Variants in ARHGAP26 observed in about 807,000 individuals in gnomAD.
ARHGAP26 encodes the protein rho GTPase-activating protein 26.
A neutral mutation model predicts 104.8 loss-of-function variants in ARHGAP26; 38 were observed. That is an observed-to-expected ratio of 0.36 (90% confidence interval 0.28 to 0.48). The LOEUF (loss-of-function observed/expected upper bound fraction) is 0.48, where lower values mean the gene tolerates loss of function less well. Among genes scored for constraint, ARHGAP26 ranks in the 20% least tolerant of loss-of-function variants. The pLI is 0.99. For missense variants in ARHGAP26, 704 were observed against 947.9 expected (o/e 0.74, Z 3.38); for synonymous variants, 341 against 340.0 (o/e 1.00, Z -0.03).
intron 17 of ARHGAP26, among the ~76,000 whole-genome samples, chr5:143,097,557 A>C (rs889573556): frequency 1.3e-5 from 2 of 151,986 alleles, no homozygotes; most frequent in African/African-American, 4.8e-5. Flanking sequence ...GCGGTGGCTC[A>C]CGCCTGTAAT....
chr5:142,848,274 T>C (rs1301707474), intron 1 of ARHGAP26, among the ~76,000 whole-genome samples: 1 of 152,214 alleles, frequency 6.6e-6, no homozygotes, highest in East Asian at 1.9e-4. Context: ...AATCTGATAC[T>C]CTCTGAGCTG....
intron 20 of ARHGAP26, among the ~76,000 whole-genome samples, chr5:143,201,600 A>G (rs1386626972): frequency 2.0e-5 from 3 of 152,158 alleles, no homozygotes; most frequent in African/African-American, 7.2e-5. Context: ...ACACTTCTGT[A>G]GTGAAAGGAG....
intron 5 of ARHGAP26, among the ~76,000 whole-genome samples, chr5:142,885,715 C>T (rs1757604128): frequency 6.6e-6 from 1 of 152,224 alleles, no homozygotes; most frequent in Non-Finnish European, 1.5e-5. Context: ...GTTTCTCTCA[C>T]CCTTGGCCTT....
chr5:142,903,267 G>C (rs1012629825), intron 7 of ARHGAP26, among the ~76,000 whole-genome samples: 2 of 152,198 alleles, frequency 1.3e-5, no homozygotes, highest in African/African-American at 4.8e-5. Context: ...TTGGCATCCA[G>C]AGGTGCTGAA....
intron 1 of ARHGAP26, among the ~76,000 whole-genome samples, chr5:142,803,279 A>G (rs769437832): frequency 6.6e-6 from 1 of 152,218 alleles, no homozygotes; most frequent in Non-Finnish European, 1.5e-5. Flanking sequence ...ATATAATTGT[A>G]GTTTACCTTA....
At chr5:143,194,689 G>A (rs189304613) in intron 20 of ARHGAP26, among the ~76,000 whole-genome samples, 105 of 152,266 alleles carry the variant, frequency 6.9e-4, no homozygotes, top group African/African-American at 2.5e-3. Context: ...ATATAAAAAT[G>A]ATTTTCCTTC....
chr5:142,955,883 G>C (rs568665242), intron 11 of ARHGAP26, among the ~76,000 whole-genome samples: 84 of 152,326 alleles, frequency 5.5e-4, no homozygotes, highest in Non-Finnish European at 1.1e-3. Flanking sequence ...TCCTTGTGAA[G>C]CTTTATGCTT....
intron 3 of ARHGAP26, 70 bp downstream of exon 3, chr5:142,875,241 A>G: frequency 7.0e-7 from 1 of 1,426,216 alleles, no homozygotes; most frequent in Non-Finnish European, 9.9e-7. Context: ...GATGGGTATC[A>G]GAAGAACTAG....
intron 20 of ARHGAP26, among the ~76,000 whole-genome samples, chr5:143,158,102 C>T (rs1400782256): frequency 6.6e-6 from 1 of 152,146 alleles, no homozygotes; most frequent in Non-Finnish European, 1.5e-5. Context: ...TTTATTCCTT[C>T]TTCTTATTTG....
chr5:143,168,448 T>TTTTTTTTA (rs1439536186), intron 20 of ARHGAP26: 3 of 108,506 alleles, frequency 2.8e-5, no homozygotes, highest in Non-Finnish European at 5.7e-5. Context: ...TGGAACTCTT[T>TTTTTTTTA]TTTTTTTTTT....
intron 20 of ARHGAP26, among the ~76,000 whole-genome samples, chr5:143,191,247 A>C (rs1323054747): frequency 6.6e-6 from 1 of 152,242 alleles, no homozygotes; most frequent in Admixed American, 6.5e-5. Context: ...AAATGTTGAT[A>C]ACTGTTGTTG....
intron 1 of ARHGAP26, among the ~76,000 whole-genome samples, chr5:142,872,267 A>G (rs911037598): frequency 2.0e-5 from 3 of 152,134 alleles, no homozygotes; most frequent in African/African-American, 7.2e-5. Context: ...AGCTAAGAAA[A>G]AGTACTGGGA....
chr5:143,214,917 A>AT (rs1810100272), intron 22 of ARHGAP26, among the ~76,000 whole-genome samples: 1 of 152,202 alleles, frequency 6.6e-6, no homozygotes, highest in Non-Finnish European at 1.5e-5. Context: ...CCTTTGCTCC[A>AT]TTAACTTTCA....
intron 11 of ARHGAP26, among the ~76,000 whole-genome samples, chr5:142,957,748 T>G (rs1769494614): frequency 6.6e-6 from 1 of 152,264 alleles, no homozygotes; most frequent in Non-Finnish European, 1.5e-5. Flanking sequence ...GACCCAGAGT[T>G]CAGCTTAAGT....
chr5:143,202,401 G>C (rs1483860481), intron 20 of ARHGAP26: 1 of 151,960 alleles, frequency 6.6e-6, no homozygotes, highest in Non-Finnish European at 1.5e-5. Flanking sequence ...ACCACTGCTC[G>C]AGGAAATAAG....
chr5:142,999,972 G>A (rs79672149), intron 11 of ARHGAP26, among the ~76,000 whole-genome samples: 2,186 of 152,148 alleles, frequency 0.014, 59 homozygotes, highest in African/African-American at 0.046. Flanking sequence ...TTGAAGAAAC[G>A]CCGGACAAAA....
chr5:143,057,130 A>G (rs1785939537), intron 16 of ARHGAP26, among the ~76,000 whole-genome samples: 1 of 152,166 alleles, frequency 6.6e-6, no homozygotes, highest in Non-Finnish European at 1.5e-5. Flanking sequence ...TTTATCTGCC[A>G]TTTCTTTCTT....
At chr5:143,092,496 T>C (rs1406583559) in intron 17 of ARHGAP26, among the ~76,000 whole-genome samples, 1 of 152,182 alleles carries the variant, frequency 6.6e-6, no homozygotes, top group African/African-American at 2.4e-5. Context: ...AGTTAATTTA[T>C]TTTAGGATAA....
chr5:142,828,161 C>T (rs1399602040), intron 1 of ARHGAP26, among the ~76,000 whole-genome samples: 2 of 152,216 alleles, frequency 1.3e-5, no homozygotes, highest in Admixed American at 6.5e-5. Flanking sequence ...TCCCTGGGAG[C>T]CGCTGGCAGA....
Sources: allele counts gnomAD v4.1 joint callset (sites outside exome capture counted in the v4.1 genomes callset), GRCh38; gene constraint gnomAD v4.1.1; transcripts MANE v1.5; gene names NCBI Gene and HGNC (gene_info 2026-07-23, HGNC 2026-07-21).